SCUBE1: variants seen among roughly 807,000 people sequenced by gnomAD.
SCUBE1 encodes the protein signal peptide, CUB and EGF-like domain-containing protein 1.
Under a neutral mutation model 124.4 loss-of-function variants are expected in SCUBE1, and 59 were observed. The observed-to-expected ratio is 0.47, with a 90% CI of 0.38 to 0.59. The LOEUF is 0.59. Among genes scored for constraint, SCUBE1 ranks in the 20% least tolerant of loss-of-function variants. SCUBE1 has a pLI of 0.00. For missense variants in SCUBE1, 1,150 were observed against 1,371.2 expected (o/e 0.84, Z 2.55); for synonymous variants, 545 against 550.9 (o/e 0.99, Z 0.15).
chr22:43,295,121 C>T (rs1925508231), intron 3 of SCUBE1, among the ~76,000 whole-genome samples: 1 of 152,162 alleles, frequency 6.6e-6, no homozygotes, highest in Admixed American at 6.5e-5. Context: ...CTGTGAATGA[C>T]GACCCTTCAA....
intron 16 of SCUBE1, among the ~76,000 whole-genome samples, chr22:43,212,983 C>T (rs1408720143): frequency 1.3e-5 from 2 of 152,146 alleles, no homozygotes; most frequent in African/African-American, 4.8e-5. Context: ...GGAGCACCTG[C>T]TCAGCTTCAG....
At chr22:43,215,055 G>A (rs1258562760) in intron 15 of SCUBE1, among the ~76,000 whole-genome samples, 1 of 152,218 alleles carries the variant, frequency 6.6e-6, no homozygotes, top group Non-Finnish European at 1.5e-5. Flanking sequence ...CGATGAGAGG[G>A]CCTAGAGGCA....
Position 43,212,428 on chromosome 22 carries a change from T to C in SCUBE1, c.2218A>G (p.Lys740Glu). 6.4e-7 allele frequency: 1 copy of C among 1,550,732 alleles called. No individual in the cohort carries two copies. Among genetic ancestry groups the C allele is most frequent in the Non-Finnish European group, 8.7e-7 (1 of 1,147,154 alleles). ...GTTSFQDCEA[K>E]VHCSPGHHYN... ...GTGGTGGGGAGGGCATGCTCACCTT[T>C]AGCCTCGCAGTCCTGGAAGGAGGTG... The change falls in exon 17 of 22, where the codon AAA becomes GAA. Residue 740 changes from lysine (K) to glutamate (E), a missense_variant. Coordinates refer to ENST00000360835, the MANE Select transcript of SCUBE1 (RefSeq NM_173050.5).
rs547727714 is a variant in SCUBE1, at chr22:43,212,677, C to T, written c.2054-85G>A. The T allele has an allele frequency of 1.5e-5, 22 of 1,422,548 alleles. No individual in the cohort carries two copies. In the Admixed American group the frequency reaches 5.1e-4, roughly 33 times the overall value. 88.1% of individuals were successfully genotyped at this position (1,422,548 alleles called of 1,614,324 possible). A position where few individuals can be genotyped will look rare whatever the true frequency, so the allele number is the denominator to read the frequency against. ...GGTGGTCTCAGGCCCCGCTCTTGGC[C>T]CTTGCCCGGCCCTGGAAAAGGTACT... is the stretch of plus-strand genomic sequence containing the variant. On this transcript the variant is annotated intron_variant, in intron 16 of 21. Coordinates refer to ENST00000360835, the MANE Select transcript of SCUBE1 (RefSeq NM_173050.5).
At position 43,214,089 on chromosome 22, in the gene SCUBE1, C is replaced by A; in HGVS notation, c.2053+1G>T. ...ACCTCTCCTTCTAGGCCCGCACTTG[C>A]CTCCACATTCCGACACGTTGCGGGC... On this transcript the variant is annotated splice_donor_variant, in intron 16 of 21. Transcript: ENST00000360835. LOFTEE classifies it high-confidence loss of function. 8.1e-7 allele frequency: 1 copy of A among 1,234,882 alleles called. No individual in the cohort carries two copies. The highest frequency in any genetic ancestry group is 1.2e-5 in the South Asian group (1 of 82,112). The allele number at this position is 1,234,882 out of a possible 1,614,324, so 76.5% of individuals were successfully genotyped here.
intron 2 of SCUBE1, among the ~76,000 whole-genome samples, chr22:43,321,100 T>G (rs543882617): frequency 1.3e-5 from 2 of 152,142 alleles, no homozygotes; most frequent in Non-Finnish European, 2.9e-5. Context: ...ACAGGGGAAC[T>G]GGAACCGGAA....
chr22:43,321,183 C>T (rs544266700), intron 2 of SCUBE1, among the ~76,000 whole-genome samples: 3 of 152,210 alleles, frequency 2.0e-5, no homozygotes, highest in South Asian at 2.1e-4. Context: ...GGGGTCACTC[C>T]CCTATAGTGT....
intron 3 of SCUBE1, among the ~76,000 whole-genome samples, chr22:43,303,298 T>C (rs1470952822): frequency 6.6e-6 from 1 of 152,268 alleles, no homozygotes; most frequent in Non-Finnish European, 1.5e-5. Context: ...GTGAGCGTCC[T>C]TGGCACACGC....
In SCUBE1 at chr22:43,250,933, C is replaced by T. The variant is rs555013399; in HGVS notation, c.727+7286G>A. Among the ~76,000 whole-genome samples the T allele has an allele frequency of 2.6e-5, 4 of 152,304 alleles. No homozygotes were observed. The South Asian group carries it at 8.3e-4, about 32-fold the overall frequency. The stretch of plus-strand genomic sequence containing the variant: ...TCTGCTCCTAACCTGGGGCCCCGGA[C>T]TTGGGAGTCCACAGGGCTGGGACTT... On this transcript the variant is annotated intron_variant, in intron 6 of 21. Coordinates refer to ENST00000360835, the MANE Select transcript of SCUBE1 (RefSeq NM_173050.5).
chr22:43,259,180 G>A (rs185666242), intron 5 of SCUBE1, among the ~76,000 whole-genome samples: 100 of 152,272 alleles, frequency 6.6e-4, no homozygotes, highest in South Asian at 2.7e-3. Context: ...GAGAGAGATC[G>A]CTAGAGGGGA....
At chr22:43,310,886 C>G (rs1423829327) in intron 3 of SCUBE1, among the ~76,000 whole-genome samples, 1 of 152,172 alleles carries the variant, frequency 6.6e-6, no homozygotes, top group Non-Finnish European at 1.5e-5. Context: ...TCATGCAATC[C>G]TCCCACCTCA....
At chr22:43,282,687 G>C (rs1477333825) in intron 4 of SCUBE1, 1 of 149,306 alleles carries the variant, frequency 6.7e-6, no homozygotes, top group East Asian at 1.9e-4. Flanking sequence ...GCTCTTGCAG[G>C]CTTCTTTTTT....
chr22:43,220,051 T>C (rs1329728309), intron 14 of SCUBE1, among the ~76,000 whole-genome samples: 3 of 152,174 alleles, frequency 2.0e-5, no homozygotes, highest in African/African-American at 7.2e-5. Flanking sequence ...AAGAGCAAAG[T>C]GCTGCTGTGA....
At chr22:43,294,944 C>T (rs1925502122) in intron 3 of SCUBE1, among the ~76,000 whole-genome samples, 1 of 152,188 alleles carries the variant, frequency 6.6e-6, no homozygotes, top group Non-Finnish European at 1.5e-5. Flanking sequence ...AATAAATCCA[C>T]ACAACAGCTC....
At chr22:43,340,339 T>C (rs1927268550) in intron 1 of SCUBE1, among the ~76,000 whole-genome samples, 1 of 152,152 alleles carries the variant, frequency 6.6e-6, no homozygotes, top group Non-Finnish European at 1.5e-5. Context: ...GTCTAGGCTT[T>C]GAGGGCTCCC....
chr22:43,204,186 G>A, intron 21 of SCUBE1, 37 bp from the exon 22 acceptor site: 1 of 1,604,366 alleles, frequency 6.2e-7, no homozygotes, highest in South Asian at 1.1e-5. Flanking sequence ...GGGGAGGCTT[G>A]GGGCCTGTAG....
At chr22:43,294,328 A>G (rs1278406663) in intron 3 of SCUBE1, among the ~76,000 whole-genome samples, 1 of 152,136 alleles carries the variant, frequency 6.6e-6, no homozygotes, top group Non-Finnish European at 1.5e-5. Context: ...TGTCTCCAGC[A>G]CTTCAAGTGG....
At chr22:43,291,572 C>T (rs74382305) in intron 3 of SCUBE1, among the ~76,000 whole-genome samples, 1,780 of 151,810 alleles carry the variant, frequency 0.012, 30 homozygotes, top group African/African-American at 0.041. Context: ...GGGCCCCCAT[C>T]GCGCTGCACT....
At position 43,216,266 on chromosome 22, in the gene SCUBE1, C is replaced by T. The variant is rs868594373; in HGVS notation, c.1891+1989G>A. On this transcript the variant is annotated intron_variant, in intron 15 of 21. Transcript: ENST00000360835. ...TTCACCATGTTGGCCAGGCTGGTCTCAAACTCCTGACCTCAGGTGATCCAC... is the reference window on the plus strand; with the variant it reads ...TTCACCATGTTGGCCAGGCTGGTCTTAAACTCCTGACCTCAGGTGATCCAC... Among the ~76,000 whole-genome samples the T allele has an allele frequency of 9.6e-4, 141 of 147,524 alleles. No individual in the cohort carries two copies. The Middle Eastern group carries it at 0.041, about 43-fold the overall frequency.
Sources: allele counts gnomAD v4.1 joint callset (sites outside exome capture counted in the v4.1 genomes callset), GRCh38; gene constraint gnomAD v4.1.1; transcripts MANE v1.5; gene names NCBI Gene and HGNC (gene_info 2026-07-23, HGNC 2026-07-21).